CIB4: variants seen among roughly 807,000 people sequenced by gnomAD.
CIB4 encodes the protein calcium and integrin binding family member 4.
Under a neutral mutation model 25.8 loss-of-function variants are expected in CIB4, and 25 were observed. That is an observed-to-expected ratio of 0.97 (90% confidence interval 0.71 to 1.35). CIB4 has a LOEUF of 1.35. Among genes scored for constraint, CIB4 ranks in the 40% most tolerant of loss-of-function variants. CIB4 has a pLI of 0.00. For missense variants in CIB4, 235 were observed against 228.2 expected, an observed-to-expected ratio of 1.03 and a Z score of -0.19; for synonymous variants, 75 against 81.4, an observed-to-expected ratio of 0.92 and a Z score of 0.42.
chr2:26,638,008 C>A (rs758201029), intron 2 of CIB4, among the ~76,000 whole-genome samples: 22 of 152,316 alleles, frequency 1.4e-4, no homozygotes, highest in Non-Finnish European at 2.8e-4. Flanking sequence ...ACCCCACCAC[C>A]CCCAGCGCTG....
At chr2:26,604,253 G>A (rs1668848293) in intron 3 of CIB4, among the ~76,000 whole-genome samples, 1 of 152,024 alleles carries the variant, frequency 6.6e-6, no homozygotes, top group Admixed American at 6.6e-5. Flanking sequence ...GGTGGTGCAC[G>A]CCTGCAGTCC....
chr2:26,602,511 A>G (rs1289602100), intron 3 of CIB4, among the ~76,000 whole-genome samples: 2 of 152,242 alleles, frequency 1.3e-5, no homozygotes, highest in African/African-American at 2.4e-5. Context: ...AAGGCTAGAT[A>G]TGGTACTGGA....
intron 3 of CIB4, among the ~76,000 whole-genome samples, chr2:26,597,527 G>T (rs1215913736): frequency 6.6e-6 from 1 of 151,812 alleles, no homozygotes; most frequent in Non-Finnish European, 1.5e-5. Context: ...CAACCACATT[G>T]CTTTCCCTTA....
At chr2:26,626,977 A>T (rs1221643008) in intron 3 of CIB4, among the ~76,000 whole-genome samples, 3 of 151,964 alleles carry the variant, frequency 2.0e-5, no homozygotes, top group Non-Finnish European at 4.4e-5. Context: ...AGATGGGGGG[A>T]TATACATGCA....
chr2:26,624,112 C>G (rs1333462816), intron 3 of CIB4, among the ~76,000 whole-genome samples: 1 of 152,170 alleles, frequency 6.6e-6, no homozygotes, highest in East Asian at 1.9e-4. Context: ...ATAGGCAGAC[C>G]CTTCCCAATA....
intron 2 of CIB4, among the ~76,000 whole-genome samples, chr2:26,638,745 G>T (rs1433293868): frequency 3.3e-5 from 5 of 152,194 alleles, no homozygotes; most frequent in African/African-American, 9.7e-5. Flanking sequence ...TGGAGGTCAG[G>T]AGTTTGAGAA....
intron 4 of CIB4, among the ~76,000 whole-genome samples, chr2:26,588,701 G>A (rs535913881): frequency 1.4e-4 from 21 of 152,322 alleles, no homozygotes; most frequent in Admixed American, 4.6e-4. Flanking sequence ...CTGCCGTGGC[G>A]TCAGTCCCTG....
At position 26,636,241 on chromosome 2, in the gene CIB4, C is replaced by T. The variant is rs115964796; in HGVS notation, c.89+4292G>A. On this transcript the variant is annotated intron_variant, in intron 2 of 6. Coordinates refer to ENST00000288861, the MANE Select transcript of CIB4 (RefSeq NM_001029881.3). ...CAGTGTTTATAATAATATTATATATCGTATATGCATTATTCAAACATTGCT... is the reference window on the plus strand; with the variant it reads ...CAGTGTTTATAATAATATTATATATTGTATATGCATTATTCAAACATTGCT... 8.3e-3 allele frequency among the ~76,000 whole-genome samples: 1,268 copies of T among 152,192 alleles called. 15 individuals carry two copies. The highest frequency in any genetic ancestry group is 0.028 in the African/African-American group (1,165 of 41,506).
At chr2:26,630,740 G>A (rs1167423063) in intron 2 of CIB4, among the ~76,000 whole-genome samples, 2 of 152,148 alleles carry the variant, frequency 1.3e-5, no homozygotes, top group African/African-American at 4.8e-5. Flanking sequence ...ACACACTCGT[G>A]AGGATTAAAT....
intron 2 of CIB4, among the ~76,000 whole-genome samples, chr2:26,638,335 C>T (rs928725165): frequency 6.6e-6 from 1 of 152,096 alleles, no homozygotes; most frequent in Non-Finnish European, 1.5e-5. Context: ...CGTCTCAGGT[C>T]CTGGGTGGGA....
chr2:26,637,999 CCCCACCA>C (rs1669565304), intron 2 of CIB4, among the ~76,000 whole-genome samples: 2 of 152,308 alleles, frequency 1.3e-5, no homozygotes, highest in African/African-American at 4.8e-5. Flanking sequence ...GCGTCCCCAA[CCCCACCA>C]CCCCCAGCGC....
chr2:26,583,935 T>C (rs2305000), intron 4 of CIB4, 37 bp from the exon 5 acceptor site: 47,374 of 1,368,690 alleles, frequency 0.035, 4,742 homozygotes, highest in East Asian at 0.34. Context: ...TAGACGGAGC[T>C]GGGGGCTAAA....
intron 3 of CIB4, among the ~76,000 whole-genome samples, chr2:26,599,035 G>A (rs1333267371): frequency 6.6e-6 from 1 of 152,230 alleles, no homozygotes; most frequent in Non-Finnish European, 1.5e-5. Context: ...TTAATAGTCT[G>A]AAATCTGAAC....
intron 3 of CIB4, 46 bp downstream of exon 3, chr2:26,629,364 G>T: frequency 2.5e-6 from 3 of 1,186,600 alleles, no homozygotes; most frequent in Non-Finnish European, 2.4e-6. Flanking sequence ...CCCATCAGCA[G>T]GTCCCACTGA....
chr2:26,622,816 C>A lies in CIB4; in HGVS notation c.186+6594G>T, dbSNP rs528963893. Among the ~76,000 whole-genome samples, 19 of 152,156 alleles carry A rather than the reference C, an allele frequency of 1.2e-4. No individual in the cohort carries two copies. The South Asian group carries it at 3.9e-3, about 32-fold the overall frequency. ...TGGCCAACATGGAGAAACCCTATCTCTACTAAAAATACAAAAATTAGCCAG... is the reference window on the plus strand; with the variant it reads ...TGGCCAACATGGAGAAACCCTATCTATACTAAAAATACAAAAATTAGCCAG... On this transcript the variant is annotated intron_variant, in intron 3 of 6. Coordinates refer to ENST00000288861, the MANE Select transcript of CIB4 (RefSeq NM_001029881.3).
At chr2:26,588,607 C>T (rs1044107873) in intron 4 of CIB4, among the ~76,000 whole-genome samples, 1 of 152,216 alleles carries the variant, frequency 6.6e-6, no homozygotes, top group African/African-American at 2.4e-5. Flanking sequence ...CAGAAATCAA[C>T]CTGTGGTGGA....
intron 2 of CIB4, among the ~76,000 whole-genome samples, chr2:26,635,632 G>A (rs1487798143): frequency 1.3e-5 from 2 of 152,162 alleles, no homozygotes; most frequent in Non-Finnish European, 2.9e-5. Flanking sequence ...TTCTCCGTGA[G>A]TATCACATGC....
At chr2:26,618,927 T>C (rs1669148406) in intron 3 of CIB4, among the ~76,000 whole-genome samples, 1 of 152,198 alleles carries the variant, frequency 6.6e-6, no homozygotes, top group Non-Finnish European at 1.5e-5. Context: ...GGTGAGACCA[T>C]CTGGGCCCCA....
chr2:26,611,041 G>A (rs576766367), intron 3 of CIB4, among the ~76,000 whole-genome samples: 2 of 152,372 alleles, frequency 1.3e-5, no homozygotes, highest in East Asian at 3.9e-4. Context: ...AGCAAGGGGA[G>A]AAGTGGAAAA....
Sources: allele counts gnomAD v4.1 joint callset (sites outside exome capture counted in the v4.1 genomes callset), GRCh38; gene constraint gnomAD v4.1.1; transcripts MANE v1.5; gene names NCBI Gene and HGNC (gene_info 2026-07-23, HGNC 2026-07-21).